Variants in CCDC18 observed in about 807,000 individuals in gnomAD.
CCDC18 encodes the protein coiled-coil domain containing 18, also known as coiled-coil domain-containing protein 18.
CCDC18 carries 157 observed loss-of-function variants against 196.0 expected under a neutral mutation model. The observed-to-expected ratio is 0.80, with a 90% CI of 0.70 to 0.91. The LOEUF (loss-of-function observed/expected upper bound fraction) is 0.91, where lower values mean the gene tolerates loss of function less well. Among genes scored for constraint, CCDC18 ranks in the 40% least tolerant of loss-of-function variants. The pLI is 0.00. For missense variants in CCDC18, 1,465 were observed against 1,611.6 expected (o/e 0.91, Z 1.56); for synonymous variants, 482 against 529.2 (o/e 0.91, Z 1.22).
upstream of CCDC18, chr1:93,180,047 CACTT>C: frequency 6.2e-7 from 1 of 1,611,532 alleles, no homozygotes; most frequent in Non-Finnish European, 8.5e-7. Context: ...TTATCCTCCG[CACTT>C]ACTTGGTACT....
At chr1:93,182,990 T>G (rs1649985821) in intron 1 of CCDC18, among the ~76,000 whole-genome samples, 1 of 152,192 alleles carries the variant, frequency 6.6e-6, no homozygotes, top group African/African-American at 2.4e-5. Context: ...CAAATCTTGA[T>G]TTCACCATTT....
At chr1:93,244,672 G>A (rs1661261826) in intron 21 of CCDC18, among the ~76,000 whole-genome samples, 1 of 152,110 alleles carries the variant, frequency 6.6e-6, no homozygotes, top group African/African-American at 2.4e-5. Context: ...TATACTTAAT[G>A]CTTCTGAACT....
Position 93,201,892 on chromosome 1 carries a change from A to G in CCDC18, c.699A>G (p.Arg233=). The G allele has an allele frequency of 6.4e-7, 1 of 1,567,736 alleles. No individual in the cohort carries two copies. The highest frequency in any genetic ancestry group is 8.6e-7 in the Non-Finnish European group (1 of 1,156,142). ...TTCATTATCTCTTTTTAAATTTTAG[A>G]GCTGAACGACAAAGGAATGAAGCAC... The part of the protein sequence containing the change: ...DLLEQTKQGK[R]AERQRNEALY... The change falls in exon 7 of 29, where the codon AGA becomes AGG. Residue 233 remains arginine (R), a splice_region_variant and synonymous_variant. Coordinates refer to ENST00000690025, the MANE Select transcript of CCDC18 (RefSeq NM_001378204.1).
intron 24 of CCDC18, 140 bp downstream of exon 24, chr1:93,254,754 CTG>C: frequency 1.3e-6 from 1 of 782,516 alleles, no homozygotes; most frequent in South Asian, 1.6e-5. Context: ...TGCCAGAAAC[CTG>C]TTAGTTTCTT....
At chr1:93,228,690 T>TA (rs397799522) in intron 17 of CCDC18, among the ~76,000 whole-genome samples, 5 of 151,758 alleles carry the variant, frequency 3.3e-5, no homozygotes, top group Admixed American at 2.6e-4. Flanking sequence ...TTTTTTTTTT[T>TA]ACTATGATCA....
At chr1:93,219,336 T>G (rs980402698) in intron 14 of CCDC18, among the ~76,000 whole-genome samples, 2 of 152,232 alleles carry the variant, frequency 1.3e-5, no homozygotes, top group Non-Finnish European at 2.9e-5. Context: ...TTTTTTTCTT[T>G]CCTCATTAAG....
chr1:93,237,179 G>A (rs1175402440), intron 19 of CCDC18, among the ~76,000 whole-genome samples: 1 of 152,156 alleles, frequency 6.6e-6, no homozygotes, highest in Admixed American at 6.5e-5. Flanking sequence ...TCAGATGTCT[G>A]TCACCCTCTC....
chr1:93,184,172 TAAAAG>T, intron 3 of CCDC18, 26 bp downstream of exon 3: 1 of 1,340,080 alleles, frequency 7.5e-7, no homozygotes, highest in Non-Finnish European at 9.7e-7. Flanking sequence ...CCTATCTAGT[TAAAAG>T]AAGTTTTGGT....
At chr1:93,239,192 C>T in intron 19 of CCDC18, 118 bp from the exon 20 acceptor site, 13 of 702,092 alleles carry the variant, frequency 1.9e-5, no homozygotes, top group South Asian at 9.4e-5. Context: ...TTTAAAATTC[C>T]AACTAGATAT....
At chr1:93,203,162 A>G (rs1460265790) in intron 7 of CCDC18, among the ~76,000 whole-genome samples, 1 of 152,188 alleles carries the variant, frequency 6.6e-6, no homozygotes, top group Non-Finnish European at 1.5e-5. Context: ...GAGGGATGTT[A>G]AAGTTGGGGA....
chr1:93,205,632 G>C lies in CCDC18; in HGVS notation c.917+1G>C, dbSNP rs1654590979. On this transcript the variant is annotated splice_donor_variant, in intron 8 of 28. Transcript: ENST00000690025. LOFTEE classifies it high-confidence loss of function. ...TTGAAATTCTGAAAGAGAAATTAAG[G>C]TACAGTATTCTGTTGTAGAAAAAGG... The C allele has an allele frequency of 3.8e-6, 6 of 1,588,202 alleles. No individual in the cohort carries two copies. The highest frequency in any genetic ancestry group is 4.3e-6 in the Non-Finnish European group (5 of 1,169,700).
rs551970879 is a variant in CCDC18 at position 93,212,079 on chromosome 1, C to A, written c.1335-22C>A. 1.1e-5 allele frequency: 18 copies of A among 1,575,270 alleles called. No individual in the cohort carries two copies. In the East Asian group the frequency reaches 2.7e-4, roughly 24 times the overall value. On this transcript the variant is annotated intron_variant, in intron 10 of 28. Transcript: ENST00000690025. ...TTATAGAATCTTTCTAATAATTTTT[C>A]CCTTCTTTTCTTTTGTGCCAGAATT...
chr1:93,232,384 A>C, intron 17 of CCDC18, 42 bp from the exon 18 acceptor site: 1 of 1,217,032 alleles, frequency 8.2e-7, no homozygotes, highest in Non-Finnish European at 1.2e-6. Flanking sequence ...ATTTATTTGA[A>C]ACATTGCATT....
At chr1:93,211,997 G>T in intron 10 of CCDC18, 104 bp from the exon 11 acceptor site, 2 of 985,416 alleles carry the variant, frequency 2.0e-6, no homozygotes, top group Non-Finnish European at 3.0e-6. Context: ...ACTAATATTA[G>T]AATTCTAATT....
rs529453751 is a variant in CCDC18 at position 93,216,538 on chromosome 1, T to G, written c.1720-98T>G. 7.2e-5 allele frequency: 40 copies of G among 553,882 alleles called. No individual in the cohort carries two copies. The South Asian group carries it at 9.3e-4, about 13-fold the overall frequency. The allele number at this position is 553,882 out of a possible 1,614,324, so 34.3% of individuals were successfully genotyped here. On this transcript the variant is annotated intron_variant, in intron 12 of 28. Transcript: ENST00000690025. ...GTTTGCCCAATTTACCTAGACACAA[T>G]GTATTTGAACTTTGAAAGAGGAGCA...
At chr1:93,193,529 C>A in intron 5 of CCDC18, 87 bp from the exon 6 acceptor site, 1 of 851,614 alleles carries the variant, frequency 1.2e-6, no homozygotes, top group Non-Finnish European at 1.7e-6. Flanking sequence ...TTGATTTAAA[C>A]AAATATAATT....
At chr1:93,259,950 T>C (rs1456552639) in intron 26 of CCDC18, among the ~76,000 whole-genome samples, 24 of 152,324 alleles carry the variant, frequency 1.6e-4, no homozygotes, top group Admixed American at 1.6e-3. Flanking sequence ...TATAAATAGA[T>C]TGTACATAAA....
At chr1:93,225,134 G>A (rs1339473951) in intron 16 of CCDC18, among the ~76,000 whole-genome samples, 1 of 152,112 alleles carries the variant, frequency 6.6e-6, no homozygotes, top group Non-Finnish European at 1.5e-5. Context: ...AGAAATCTAA[G>A]ATTTCTTTCA....
intron 4 of CCDC18, chr1:93,190,717 C>T: frequency 9.7e-6 from 4 of 413,310 alleles, no homozygotes; most frequent in East Asian, 9.4e-5. Flanking sequence ...TTATTGTCTT[C>T]ATAATAAAAC....
Sources: allele counts gnomAD v4.1 joint callset (sites outside exome capture counted in the v4.1 genomes callset), GRCh38; gene constraint gnomAD v4.1.1; transcripts MANE v1.5; gene names NCBI Gene and HGNC (gene_info 2026-07-23, HGNC 2026-07-21).